Variants in JPT1 observed in about 807,000 individuals in gnomAD.
The protein encoded by JPT1 is androgen-regulated protein 2.
A neutral mutation model predicts 17.0 loss-of-function variants in JPT1; 5 were observed. That is an observed-to-expected ratio of 0.29 (90% confidence interval 0.15 to 0.62). The LOEUF is 0.62. JPT1 is among the 20% of genes least tolerant of loss of function. The probability of loss-of-function intolerance (pLI) is 0.85; values close to 1 mark genes in which losing one functional copy is unlikely to be tolerated. For synonymous variants in JPT1, 71 were observed against 73.6 expected, an observed-to-expected ratio of 0.96 and a Z score of 0.18; for missense variants, 158 against 188.1, an observed-to-expected ratio of 0.84 and a Z score of 0.94.
chr17:75,154,191 GCGGC>G, intron 1 of JPT1, 147 bp downstream of exon 1: 2 of 410,442 alleles, frequency 4.9e-6, no homozygotes. Context: ...CGGCACAAAG[GCGGC>G]GCCGACGGCA....
Position 75,154,468 on chromosome 17 carries a change from A to C in JPT1, c.-71T>G. 1 of 1,419,726 alleles carries C rather than the reference A, an allele frequency of 7.0e-7. No homozygotes were observed. Among genetic ancestry groups the C allele is most frequent in the South Asian group, 1.3e-5 (1 of 79,954 alleles). The allele number at this position is 1,419,726 out of a possible 1,614,324, so 87.9% of individuals were successfully genotyped here. ...AGGGTCGGACCCGAGGGGCGCTGGG[A>C]AACTCCACACCCAACAGCCGACCAC... is the stretch of plus-strand genomic sequence containing the variant. On this transcript the variant is annotated 5_prime_UTR_variant, in exon 1 of 5. Transcript: ENST00000409753.
chr17:75,147,757 A>G (rs548085348), intron 2 of JPT1, 104 bp from the exon 3 acceptor site: 1 of 839,262 alleles, frequency 1.2e-6, no homozygotes, highest in African/African-American at 1.7e-5. Context: ...TCAGTGCTTT[A>G]GGAGGCCGAG....
At chr17:75,143,681 A>T (rs1376875660) in intron 4 of JPT1, among the ~76,000 whole-genome samples, 1 of 151,696 alleles carries the variant, frequency 6.6e-6, no homozygotes, top group South Asian at 2.1e-4. Context: ...ACTAAAAATT[A>T]AAAAATTACC....
At chr17:75,149,662 C>T (rs890009781) in intron 1 of JPT1, among the ~76,000 whole-genome samples, 1 of 152,116 alleles carries the variant, frequency 6.6e-6, no homozygotes, top group African/African-American at 2.4e-5. Flanking sequence ...CCACCACGCC[C>T]AGCCAAAAAA....
Position 75,154,435 on chromosome 17 carries a change from A to G in JPT1, c.-38T>C. ...CGAGGTAGGCTGGCGCCGGAGCAGA[A>G]CGCTCAAAGGGTCGGACCCGAGGGG... On this transcript the variant is annotated 5_prime_UTR_variant, in exon 1 of 5. Coordinates refer to ENST00000409753, the MANE Select transcript of JPT1 (RefSeq NM_016185.4). The G allele has an allele frequency of 6.5e-7, 1 of 1,543,218 alleles. No individual in the cohort carries two copies. The highest frequency in any genetic ancestry group is 8.7e-7 in the Non-Finnish European group (1 of 1,143,186).
chr17:75,153,980 G>C (rs547862917), intron 1 of JPT1: 1 of 164,010 alleles, frequency 6.1e-6, no homozygotes, highest in African/African-American at 2.4e-5. Flanking sequence ...CACCTGGGGG[G>C]CCAAGCCCAC....
Position 75,135,951 on chromosome 17 carries a change from T to C in JPT1, c.*151A>G. ...CAAGAGTCAAGGACAGAGAGAAACC[T>C]GTTCTTCAAAAGAAAAAAAAAAAAG... On this transcript the variant is annotated 3_prime_UTR_variant, in exon 5 of 5. Coordinates refer to ENST00000409753, the MANE Select transcript of JPT1 (RefSeq NM_016185.4). 6.5e-7 allele frequency: 1 copy of C among 1,541,624 alleles called. No homozygotes were observed. Among genetic ancestry groups the C allele is most frequent in the Admixed American group, 2.0e-5 (1 of 50,266 alleles).
Position 75,154,265 on chromosome 17 carries a change from C to A in JPT1, c.56+77G>T, listed in dbSNP as rs866228898. The stretch of plus-strand genomic sequence containing the variant: ...CACGGGGCTCGTTACCCGCAACGAC[C>A]GGCGCGAGGCCCCGCCGGCAGCGGC... On this transcript the variant is annotated intron_variant, in intron 1 of 4. Coordinates refer to ENST00000409753, the MANE Select transcript of JPT1 (RefSeq NM_016185.4). The A allele has an allele frequency of 7.8e-5, 94 of 1,208,298 alleles. 1 individual carries two copies. The Middle Eastern group carries it at 2.6e-3, about 33-fold the overall frequency. 74.8% of individuals were successfully genotyped at this position (1,208,298 alleles called of 1,614,324 possible).
chr17:75,148,708 C>T (rs1327971517), intron 1 of JPT1, 37 bp from the exon 2 acceptor site: 1 of 1,608,350 alleles, frequency 6.2e-7, no homozygotes, highest in Non-Finnish European at 8.5e-7. Context: ...TCAGATCATA[C>T]TGAAACATTT....
chr17:75,148,506 G>C, intron 2 of JPT1, 23 bp downstream of exon 2: 3 of 1,613,726 alleles, frequency 1.9e-6, no homozygotes, highest in Non-Finnish European at 2.5e-6. Flanking sequence ...CCTTTGAACA[G>C]TGAGCACAGA....
chr17:75,136,328 T>C, intron 4 of JPT1, 78 bp from the exon 5 acceptor site: 2 of 1,433,990 alleles, frequency 1.4e-6, no homozygotes, highest in South Asian at 3.0e-5. Context: ...TTTCTCTTTT[T>C]CTTTTTTTTT....
intron 4 of JPT1, among the ~76,000 whole-genome samples, chr17:75,142,235 G>T (rs2074327554): frequency 1.3e-5 from 2 of 152,038 alleles, no homozygotes; most frequent in East Asian, 1.9e-4. Context: ...GTTAAATAAG[G>T]TCTGACAGTG....
chr17:75,146,825 T>A (rs1349946394), intron 3 of JPT1, 141 bp from the exon 4 acceptor site: 1 of 636,948 alleles, frequency 1.6e-6, no homozygotes, highest in Non-Finnish European at 2.8e-6. Context: ...AGGGTCAGTC[T>A]GCTACCTCTA....
Position 75,154,485 on chromosome 17 carries a change from G to A in JPT1, c.-88C>T, listed in dbSNP as rs552738600. ...GCGCTGGGAAACTCCACACCCAACA[G>A]CCGACCACCGCTGCAGGAGCCGCCG... is the stretch of plus-strand genomic sequence containing the variant. On this transcript the variant is annotated 5_prime_UTR_variant, in exon 1 of 5. Transcript: ENST00000409753. 9.5e-6 allele frequency: 12 copies of A among 1,258,438 alleles called. No homozygotes were observed. Among genetic ancestry groups the A allele is most frequent in the East Asian group, 8.3e-5 (3 of 35,938 alleles). The allele number at this position is 1,258,438 out of a possible 1,614,324, so 78.0% of individuals were successfully genotyped here.
intron 1 of JPT1, among the ~76,000 whole-genome samples, chr17:75,152,115 T>G (rs1344714019): frequency 6.6e-6 from 1 of 152,180 alleles, no homozygotes; most frequent in Non-Finnish European, 1.5e-5. Context: ...ACGTCAGTGT[T>G]GTAGAGACCA....
Position 75,154,401 on chromosome 17 carries a change from G to T in JPT1, c.-4C>A, listed in dbSNP as rs1226253600. ...TGAAGGTGGTGGTTGTGGTCATGGC[G>T]CCGAGGAGCGAGGTAGGCTGGCGCC... is the stretch of plus-strand genomic sequence containing the variant. On this transcript the variant is annotated 5_prime_UTR_variant, in exon 1 of 5. Coordinates refer to ENST00000409753, the MANE Select transcript of JPT1 (RefSeq NM_016185.4). The T allele has an allele frequency of 1.9e-6, 3 of 1,548,244 alleles. No individual in the cohort carries two copies. The highest frequency in any genetic ancestry group is 2.6e-6 in the Non-Finnish European group (3 of 1,145,772).
At chr17:75,137,520 C>CT in intron 4 of JPT1, among the ~76,000 whole-genome samples, 1 of 145,834 alleles carries the variant, frequency 6.9e-6, no homozygotes, top group East Asian at 2.0e-4. Context: ...CCACAACTGG[C>CT]TATTTTTGTT....
At chr17:75,142,625 GGGAGGGGAGGGAGGGGAGGGGGGGAT>G (rs1479468893) in intron 4 of JPT1, 25 of 108,520 alleles carry the variant, frequency 2.3e-4, no homozygotes, top group East Asian at 3.2e-3. Context: ...GAGGAGGGGA[GGGAGGGGAGGGAGGGGAGGGGGGGAT>G]GGAGGGAAGG....
chr17:75,148,945 C>T, intron 1 of JPT1: 1 of 1,128,662 alleles, frequency 8.9e-7, no homozygotes, highest in Non-Finnish European at 1.2e-6. Flanking sequence ...AAATAACAGC[C>T]TGGTTGGTGT....
Sources: allele counts gnomAD v4.1 joint callset (sites outside exome capture counted in the v4.1 genomes callset), GRCh38; gene constraint gnomAD v4.1.1; transcripts MANE v1.5; gene names NCBI Gene and HGNC (gene_info 2026-07-23, HGNC 2026-07-21).